TTC1: variants seen among roughly 807,000 people sequenced by gnomAD.
TTC1 encodes the protein tetratricopeptide repeat protein 1.
TTC1 carries 31 observed loss-of-function variants against 37.6 expected under a neutral mutation model. That is an observed-to-expected ratio of 0.82 (90% CI 0.62 to 1.11). TTC1 has a LOEUF of 1.11. TTC1 is among the 50% of genes most tolerant of loss of function. The pLI, the probability that TTC1 is intolerant of heterozygous loss-of-function variation, is 0.00. For missense variants in TTC1, 351 were observed against 339.0 expected, an observed-to-expected ratio of 1.04 and a Z score of -0.28; for synonymous variants, 127 against 122.4, an observed-to-expected ratio of 1.04 and a Z score of -0.25.
At chr5:160,043,075 C>T in intron 4 of TTC1, 58 bp from the exon 5 acceptor site, 1 of 1,568,078 alleles carries the variant, frequency 6.4e-7, no homozygotes, top group South Asian at 1.1e-5. Flanking sequence ...GTCATTAAGC[C>T]TTTGGGCCAT....
chr5:160,043,825 T>C (rs779698173), intron 5 of TTC1, among the ~76,000 whole-genome samples: 5 of 152,196 alleles, frequency 3.3e-5, no homozygotes, highest in Admixed American at 6.5e-5. Flanking sequence ...CTACTTCACA[T>C]CATTTTTTTT....
chr5:160,060,538 GA>G (rs1301350411), intron 7 of TTC1, among the ~76,000 whole-genome samples: 1 of 152,142 alleles, frequency 6.6e-6, no homozygotes. Context: ...GCTGTAGGTG[GA>G]AACAAGGAAA....
At chr5:160,032,049 G>A (rs573022419) in intron 2 of TTC1, among the ~76,000 whole-genome samples, 5 of 152,204 alleles carry the variant, frequency 3.3e-5, no homozygotes, top group Non-Finnish European at 7.3e-5. Context: ...AGGCCGGCCC[G>A]TAGCACTGAT....
intron 2 of TTC1, among the ~76,000 whole-genome samples, chr5:160,015,383 T>C (rs1191971017): frequency 1.3e-5 from 2 of 152,126 alleles, no homozygotes; most frequent in African/African-American, 4.8e-5. Context: ...CTAAATTTTT[T>C]TGTGTTTGAA....
In TTC1 at chr5:160,010,763, G is replaced by T. The variant is rs760818093; in HGVS notation, c.235G>T (p.Val79Phe). 4.3e-6 allele frequency: 7 copies of T among 1,614,056 alleles called. No homozygotes were observed. In the Admixed American group the frequency reaches 1.2e-4, roughly 27 times the overall value. The change falls in exon 2 of 8, where the codon GTT becomes TTT. Residue 79 changes from valine to phenylalanine, a missense_variant. Transcript: ENST00000231238. ...SFEEEPGADKVENKSNEDVNS... is the reference protein window; with the variant it reads ...SFEEEPGADKFENKSNEDVNS... ...TGAGGAGGAGCCAGGAGCGGACAAG[G>T]TTGAGAACAAATCTAATGAAGATGT...
At chr5:160,036,602 A>G (rs1757002917) in intron 3 of TTC1, 89 bp from the exon 4 acceptor site, 2 of 882,820 alleles carry the variant, frequency 2.3e-6, no homozygotes, top group Non-Finnish European at 3.7e-6. Context: ...CATCCTATGA[A>G]TGGAAAACAG....
At chr5:160,035,603 G>T (rs541826233) in intron 3 of TTC1, among the ~76,000 whole-genome samples, 2 of 152,358 alleles carry the variant, frequency 1.3e-5, no homozygotes, top group African/African-American at 4.8e-5. Context: ...GCCTAGGGCT[G>T]CCTGTCCTTT....
intron 1 of TTC1, among the ~76,000 whole-genome samples, chr5:160,010,257 C>CAAA (rs397882520): frequency 2.7e-3 from 135 of 49,568 alleles, no homozygotes; most frequent in Non-Finnish European, 3.2e-3. Flanking sequence ...GATTAAGTCT[C>CAAA]AAAAAAAAAA....
In TTC1 at chr5:160,022,293, T is replaced by C. The variant is rs73309337; in HGVS notation, c.330+11435T>C. 4.9e-3 allele frequency among the ~76,000 whole-genome samples: 754 copies of C among 152,360 alleles called. 5 individuals carry two copies. The highest frequency in any genetic ancestry group is 0.017 in the African/African-American group (725 of 41,584). On this transcript the variant is annotated intron_variant, in intron 2 of 7. Coordinates refer to ENST00000231238, the MANE Select transcript of TTC1 (RefSeq NM_003314.3). ...CCTACTCAGCCACTGCATTGTAGTCTGCTGAAGAGTGGTTTATTTATAAGG... is the reference window on the plus strand; with the variant it reads ...CCTACTCAGCCACTGCATTGTAGTCCGCTGAAGAGTGGTTTATTTATAAGG...
At chr5:160,052,549 A>AAAG (rs1757430552) in intron 7 of TTC1, among the ~76,000 whole-genome samples, 1 of 22,992 alleles carries the variant, frequency 4.3e-5, no homozygotes, top group East Asian at 1.5e-3. Flanking sequence ...CTATTTTAGC[A>AAAG]AAAAAAAAAA....
chr5:160,010,600 G>A lies in TTC1; in HGVS notation c.72G>A (p.Gln24=), dbSNP rs368772348. The part of the protein sequence containing the change: ...LLNGLKVTDT[Q]EAECAGPPVP... ...ATGGTTTGAAGGTTACAGATACTCA[G>A]GAAGCCGAGTGTGCTGGCCCTCCAG... is the stretch of plus-strand genomic sequence containing the variant. The change falls in exon 2 of 8, where the codon CAG becomes CAA. Residue 24 remains glutamine, a synonymous_variant. Coordinates refer to ENST00000231238, the MANE Select transcript of TTC1 (RefSeq NM_003314.3). The A allele has an allele frequency of 4.2e-5, 67 of 1,614,016 alleles. 1 individual carries two copies. The Middle Eastern group carries it at 8.3e-4, about 20-fold the overall frequency.
rs1757578979 is a variant in TTC1 at position 160,057,709 on chromosome 5, A to G, written c.745+6526A>G. 6.6e-6 allele frequency among the ~76,000 whole-genome samples: 1 copy of G among 152,168 alleles called. No individual in the cohort carries two copies. Among genetic ancestry groups the G allele is most frequent in the East Asian group, 1.9e-4 (1 of 5,194 alleles). ...CAATAGTTCTTCCAGTATTGGACTCAGTCCTCTCAAACCCTGCTGCTGCTT... is the reference window on the plus strand; with the variant it reads ...CAATAGTTCTTCCAGTATTGGACTCGGTCCTCTCAAACCCTGCTGCTGCTT... On this transcript the variant is annotated intron_variant, in intron 7 of 7. Transcript: ENST00000231238. The surrounding 1 kb of genome is among the most constrained non-coding windows in gnomAD (Gnocchi z 4.4).
intron 2 of TTC1, among the ~76,000 whole-genome samples, chr5:160,025,828 T>C (rs956670191): frequency 9.2e-5 from 14 of 152,186 alleles, no homozygotes; most frequent in Non-Finnish European, 1.9e-4. Context: ...ACTCCTGGGC[T>C]CAAGCGATTC....
intron 2 of TTC1, among the ~76,000 whole-genome samples, chr5:160,031,607 C>T (rs1029777644): frequency 2.0e-5 from 3 of 151,582 alleles, no homozygotes; most frequent in African/African-American, 4.9e-5. Flanking sequence ...GAGTGAGACT[C>T]TGTCTCAAAA....
rs573309429 is a variant in TTC1 at position 160,018,431 on chromosome 5, G to A, written c.330+7573G>A. Among the ~76,000 whole-genome samples the A allele has an allele frequency of 5.9e-3, 895 of 152,292 alleles. 9 individuals are homozygous for A. Among genetic ancestry groups the A allele is most frequent in the Non-Finnish European group, 6.8e-3 (461 of 68,032 alleles). The stretch of plus-strand genomic sequence containing the variant: ...AGAGACTTAGGGGAGGGTGGCACTG[G>A]GAGCAGCCAAATGTGTGACCGTCTG... On this transcript the variant is annotated intron_variant, in intron 2 of 7. Coordinates refer to ENST00000231238, the MANE Select transcript of TTC1 (RefSeq NM_003314.3).
intron 7 of TTC1, among the ~76,000 whole-genome samples, chr5:160,054,738 A>G (rs1757498587): frequency 6.6e-6 from 1 of 152,214 alleles, no homozygotes; most frequent in African/African-American, 2.4e-5. Context: ...TAGTTTGAGG[A>G]ACATAAAGAT....
At chr5:160,060,747 G>A (rs1017469477) in intron 7 of TTC1, among the ~76,000 whole-genome samples, 1 of 152,188 alleles carries the variant, frequency 6.6e-6, no homozygotes, top group African/African-American at 2.4e-5. Flanking sequence ...CTCTCCTGAA[G>A]GCTGTTGCTT....
At chr5:160,033,365 C>T (rs148785852) in intron 2 of TTC1, among the ~76,000 whole-genome samples, 1 of 152,176 alleles carries the variant, frequency 6.6e-6, no homozygotes, top group African/African-American at 2.4e-5. Flanking sequence ...TCACTCTATA[C>T]TTACCTTTTA....
intron 7 of TTC1, among the ~76,000 whole-genome samples, chr5:160,060,892 T>C (rs1463704993): frequency 6.6e-6 from 1 of 152,230 alleles, no homozygotes; most frequent in Non-Finnish European, 1.5e-5. Context: ...TACCCAAGCA[T>C]TGTAGAAATT....
Sources: gnomAD v4.1 joint callset for allele counts (sites outside exome capture counted in the v4.1 genomes callset) on GRCh38, gnomAD v4.1.1 for gene constraint, Gnocchi (gnomAD v3.1) non-coding constraint, MANE v1.5 for transcripts, NCBI Gene and HGNC (gene_info 2026-07-23, HGNC 2026-07-21) for gene names.